The following CDK2 variants were observed in gnomAD, a reference collection of about 807,000 sequenced individuals.
The protein encoded by CDK2 is cyclin-dependent kinase 2.
A neutral mutation model predicts 35.0 loss-of-function variants in CDK2; 8 were observed. The observed-to-expected ratio is 0.23, with a 90% CI of 0.13 to 0.41. CDK2 has a LOEUF of 0.41. CDK2 is among the 10% of genes least tolerant of loss of function. CDK2 has a pLI of 1.00. For synonymous variants in CDK2, 134 were observed against 137.7 expected, an observed-to-expected ratio of 0.97 and a Z score of 0.19; for missense variants, 201 against 367.1, an observed-to-expected ratio of 0.55 and a Z score of 3.70.
intron 1 of CDK2, 105 bp from the exon 2 acceptor site, chr12:55,967,752 A>G: frequency 1.1e-6 from 1 of 889,882 alleles, no homozygotes; most frequent in Non-Finnish European, 1.9e-6. Context: ...TCACTTTCCT[A>G]GGGGGTGCTG....
chr12:55,972,749 T>C lies in CDK2; in HGVS notation c.*1124T>C, dbSNP rs1889516135. The C allele has an allele frequency of 6.6e-6, 1 of 152,052 alleles. No individual in the cohort carries two copies. Among genetic ancestry groups the C allele is most frequent in the African/African-American group, 2.4e-5 (1 of 41,374 alleles). 9.4% of individuals were successfully genotyped at this position (152,052 alleles called of 1,614,324 possible). On this transcript the variant is annotated 3_prime_UTR_variant, in exon 7 of 7. Transcript: ENST00000266970. ...GCTATTAACGTTATTTGTAATTTAG[T>C]TTGTAGCTCATTAAAAAAATGTGCC...
intron 5 of CDK2, chr12:55,970,835 A>G (rs1889453593): frequency 1.4e-6 from 1 of 694,698 alleles, no homozygotes; most frequent in Non-Finnish European, 2.6e-6. Context: ...CTGCAAAGCC[A>G]TGGTTGGGGG....
Position 55,971,849 on chromosome 12 carries a change from C to T in CDK2, c.*224C>T, listed in dbSNP as rs891061858. The T allele has an allele frequency of 5.5e-5, 28 of 506,118 alleles. No individual in the cohort carries two copies. The highest frequency in any genetic ancestry group is 4.8e-4 in the African/African-American group (24 of 50,436). 31.4% of individuals were successfully genotyped at this position (506,118 alleles called of 1,614,324 possible). On this transcript the variant is annotated 3_prime_UTR_variant, in exon 7 of 7. Coordinates refer to ENST00000266970, the MANE Select transcript of CDK2 (RefSeq NM_001798.5). ...TTAGATGCACTTAAGTTAGCCTCCA[C>T]CACCCTTTCCCCCTTCTCTTAGTTA...
chr12:55,969,243 A>C (rs1227180613), intron 4 of CDK2, among the ~76,000 whole-genome samples: 2 of 152,086 alleles, frequency 1.3e-5, no homozygotes, highest in Non-Finnish European at 2.9e-5. Flanking sequence ...AAAAAGAAAA[A>C]ATTTAGAAAT....
intron 3 of CDK2, among the ~76,000 whole-genome samples, chr12:55,968,550 T>C (rs574317807): frequency 6.6e-6 from 1 of 152,204 alleles, no homozygotes; most frequent in African/African-American, 2.4e-5. Context: ...ACTTTCAATC[T>C]ATTAACAAAC....
chr12:55,967,760 C>A, intron 1 of CDK2, 97 bp from the exon 2 acceptor site: 1 of 965,176 alleles, frequency 1.0e-6, no homozygotes, highest in Non-Finnish European at 1.7e-6. Context: ...CTAGGGGGTG[C>A]TGGGTGGTGT....
intron 5 of CDK2, among the ~76,000 whole-genome samples, chr12:55,970,124 A>T (rs893191147): frequency 4.0e-5 from 6 of 151,872 alleles, no homozygotes; most frequent in Non-Finnish European, 8.8e-5. Context: ...TCTACTAAAA[A>T]TACAAAAATT....
Position 55,971,693 on chromosome 12 carries a change from C to G in CDK2, c.*68C>G, listed in dbSNP as rs1889481015. On this transcript the variant is annotated 3_prime_UTR_variant, in exon 7 of 7. Coordinates refer to ENST00000266970, the MANE Select transcript of CDK2 (RefSeq NM_001798.5). ...CAGTGTGGGCTTGACCAGGCTTGGC[C>G]TTGGGCTATTTGGACTCAGGTGGGC... The G allele has an allele frequency of 8.0e-7, 1 of 1,250,646 alleles. No individual in the cohort carries two copies. Among genetic ancestry groups the G allele is most frequent in the Admixed American group, 1.8e-5 (1 of 56,122 alleles). 77.5% of individuals were successfully genotyped at this position (1,250,646 alleles called of 1,614,324 possible).
Position 55,971,682 on chromosome 12 carries a change from C to CT in CDK2, c.*57_*58insT, listed in dbSNP as rs1223534681. The CT allele has an allele frequency of 6.1e-6, 8 of 1,321,964 alleles. No homozygotes were observed. The highest frequency in any genetic ancestry group is 3.5e-5 in the Admixed American group (2 of 57,682). 81.9% of individuals were successfully genotyped at this position (1,321,964 alleles called of 1,614,324 possible). On this transcript the variant is annotated 3_prime_UTR_variant, in exon 7 of 7. Coordinates refer to ENST00000266970, the MANE Select transcript of CDK2 (RefSeq NM_001798.5). ...ACCCTCTCCTCCAGTGTGGGCTTGA[C>CT]CAGGCTTGGCCTTGGGCTATTTGGA...
chr12:55,969,034 A>T lies in CDK2; in HGVS notation c.486+86A>T, dbSNP rs918410947. ...CAAAGTTACTAAAAATATCTGGCTA[A>T]CAGTTTCTTACTAGGTAGAAATAAT... On this transcript the variant is annotated intron_variant, in intron 4 of 6. Transcript: ENST00000266970. 9.2e-6 allele frequency: 9 copies of T among 975,700 alleles called. No homozygotes were observed. In the Admixed American group the frequency reaches 2.0e-4, roughly 22 times the overall value. 60.4% of individuals were successfully genotyped at this position (975,700 alleles called of 1,614,324 possible).
At position 55,968,869 on chromosome 12, in the gene CDK2, A is replaced by G; in HGVS notation, c.407A>G (p.Asn136Ser). The G allele has an allele frequency of 1.2e-6, 2 of 1,612,588 alleles. No homozygotes were observed. The highest frequency in any genetic ancestry group is 1.7e-6 in the Non-Finnish European group (2 of 1,179,470). The part of the protein sequence containing the change: ...RDLKPQNLLI[N>S]TEGAIKLADF... ...CTTAAACCTCAGAATCTGCTTATTAACACAGAGGGGGCCATCAAGCTAGCA... is the reference window on the plus strand; with the variant it reads ...CTTAAACCTCAGAATCTGCTTATTAGCACAGAGGGGGCCATCAAGCTAGCA... Residue 136 changes from asparagine to serine, a missense_variant, in exon 4 of 7, where the codon AAC becomes AGC. Transcript: ENST00000266970.
At chr12:55,971,337 C>T in intron 6 of CDK2, 90 bp downstream of exon 6, 2 of 1,313,756 alleles carry the variant, frequency 1.5e-6, no homozygotes, top group Non-Finnish European at 2.2e-6. Context: ...GAAATCTGGG[C>T]CTCAGTGTTT....
Position 55,971,206 on chromosome 12 carries a change from G to A in CDK2, c.751G>A (p.Val251Ile), listed in dbSNP as rs901628916. The A allele has an allele frequency of 1.9e-6, 3 of 1,614,130 alleles. No individual in the cohort carries two copies. The East Asian group carries it at 6.7e-5, about 36-fold the overall frequency. ...GTGGGCCCGGCAAGATTTTAGTAAA[G>A]TTGTACCTCCCCTGGATGAAGATGG... ...PKWARQDFSK[V>I]VPPLDEDGRS... The change falls in exon 6 of 7, where the codon GTT (valine) becomes ATT (isoleucine). Residue 251 changes from valine (V) to isoleucine (I), a missense_variant. Val to Ile is a conservative substitution (Grantham distance 29). Transcript: ENST00000266970.
rs1243911414 is a variant in CDK2 at position 55,968,038 on chromosome 12, T to TC, written c.195-9dup. 3.0e-5 allele frequency: 49 copies of TC among 1,614,078 alleles called. No individual in the cohort carries two copies. Among genetic ancestry groups the TC allele is most frequent in the Non-Finnish European group, 4.2e-5 (49 of 1,179,984 alleles). ...CACACACCTCCATTTCCTCAAACTT[T>TC]CCTTCTCTAGGCTGCTGGATGTCAT... On this transcript the variant is annotated splice_polypyrimidine_tract_variant and intron_variant, in intron 2 of 6. Transcript: ENST00000266970.
rs551123688 is a variant in CDK2 at position 55,968,139 on chromosome 12, T to G, written c.285T>G (p.Ala95=). 6.2e-7 allele frequency: 1 copy of G among 1,614,016 alleles called. No homozygotes were observed. Among genetic ancestry groups the G allele is most frequent in the South Asian group, 1.1e-5 (1 of 91,074 alleles). ...QDLKKFMDAS[A]LTGIPLPLIK... Reference sequence around the variant, plus strand: ...TCAAGAAATTCATGGATGCCTCTGCTCTCACTGGCATTCCTCTTCCCCTCA... The same window carrying G: ...TCAAGAAATTCATGGATGCCTCTGCGCTCACTGGCATTCCTCTTCCCCTCA... Residue 95 remains alanine, a synonymous_variant, in exon 3 of 7, where the codon GCT becomes GCG. Transcript: ENST00000266970.
rs2069397 is a variant in CDK2 at position 55,966,971 on chromosome 12, C to G, written c.-38C>G. ...GCCTTCTGCAGGGTTCCCAGGCCCC[C>G]GCTCCAGGGCCGGGCTGACCCGACT... On this transcript the variant is annotated 5_prime_UTR_variant, in exon 1 of 7. Transcript: ENST00000266970. The G allele has an allele frequency of 1.1e-4, 164 of 1,524,750 alleles. No individual in the cohort carries two copies. The African/African-American group carries it at 2.1e-3, about 19-fold the overall frequency. 94.5% of individuals were successfully genotyped at this position (1,524,750 alleles called of 1,614,324 possible).
chr12:55,968,388 A>C, intron 3 of CDK2: 1 of 546,084 alleles, frequency 1.8e-6, no homozygotes, highest in Non-Finnish European at 3.2e-6. Context: ...GAGTCAACCT[A>C]GCAACTCAGG....
chr12:55,967,960 CA>C (rs1388119469), intron 2 of CDK2, 26 bp downstream of exon 2: 2 of 1,613,244 alleles, frequency 1.2e-6, no homozygotes, highest in African/African-American at 2.7e-5. Context: ...AGAGGTGATC[CA>C]GCTGGAAAGG....
chr12:55,970,794 C>T (rs1565781772), intron 5 of CDK2: 2 of 697,552 alleles, frequency 2.9e-6, no homozygotes, highest in South Asian at 3.0e-5. Context: ...CAGACATTCA[C>T]CCCCTCCCAG....
Sources: allele counts gnomAD v4.1 joint callset (sites outside exome capture counted in the v4.1 genomes callset), GRCh38; gene constraint gnomAD v4.1.1; transcripts MANE v1.5; gene names NCBI Gene and HGNC (gene_info 2026-07-23, HGNC 2026-07-21).